Variants in RAB27B observed in about 807,000 individuals in gnomAD.
RAB27B encodes the protein RAB27B, member RAS oncogene family.
In RAB27B, 15 loss-of-function variants were observed where a neutral mutation model predicts 24.6. The observed-to-expected ratio is 0.61, with a 90% CI of 0.41 to 0.94. The LOEUF is 0.94. Among genes scored for constraint, RAB27B ranks in the 40% least tolerant of loss-of-function variants. The pLI, the probability that RAB27B is intolerant of heterozygous loss-of-function variation, is 0.00. For missense variants in RAB27B, 261 were observed against 266.8 expected (o/e 0.98, Z 0.15); for synonymous variants, 105 against 92.5 (o/e 1.14, Z -0.78).
intron 2 of RAB27B, among the ~76,000 whole-genome samples, chr18:54,802,870 C>T (rs1178745801): frequency 6.6e-6 from 1 of 152,158 alleles, no homozygotes; most frequent in Non-Finnish European, 1.5e-5. Flanking sequence ...ACATGTGCTG[C>T]TTTGGAAAGG....
Position 54,893,606 on chromosome 18 carries a change from A to T in RAB27B, c.*4193A>T, listed in dbSNP as rs1468806324. On this transcript the variant is annotated 3_prime_UTR_variant, in exon 6 of 6. Transcript: ENST00000262094. ...GTTGAGCTCTTATACATGAAAATGG[A>T]TATAGGCTATTCTCTGGGATGAGTG... 6.6e-6 allele frequency: 1 copy of T among 152,038 alleles called. No individual in the cohort carries two copies. The highest frequency in any genetic ancestry group is 2.4e-5 in the African/African-American group (1 of 41,426). The allele number at this position is 152,038 out of a possible 1,614,324, so 9.4% of individuals were successfully genotyped here. A position where few individuals can be genotyped will look rare whatever the true frequency, so the allele number is the denominator to read the frequency against.
chr18:54,830,438 C>A (rs953799762), intron 1 of RAB27B, among the ~76,000 whole-genome samples: 1 of 152,164 alleles, frequency 6.6e-6, no homozygotes, highest in African/African-American at 2.4e-5. Context: ...ATCTCACAAT[C>A]CAGTTTCTTC....
At chr18:54,723,808 A>G (rs776594998) in intron 2 of RAB27B, among the ~76,000 whole-genome samples, 1 of 152,208 alleles carries the variant, frequency 6.6e-6, no homozygotes, top group Non-Finnish European at 1.5e-5. Context: ...AAAACACCAA[A>G]TTATTTACAA....
chr18:54,889,600 G>T lies in RAB27B; in HGVS notation c.*187G>T. On this transcript the variant is annotated 3_prime_UTR_variant, in exon 6 of 6. Transcript: ENST00000262094. Reference sequence around the variant, plus strand: ...AAAAGAATTGACTAGTTATCCCTGAGGCCCTTTCAAACATGATCAAAGATT... The same window carrying T: ...AAAAGAATTGACTAGTTATCCCTGATGCCCTTTCAAACATGATCAAAGATT... 1 of 516,076 alleles carries T rather than the reference G, an allele frequency of 1.9e-6. No individual in the cohort carries two copies. Among genetic ancestry groups the T allele is most frequent in the South Asian group, 3.7e-5 (1 of 27,252 alleles). 32.0% of individuals were successfully genotyped at this position (516,076 alleles called of 1,614,324 possible).
chr18:54,842,797 C>T (rs1911168415), intron 1 of RAB27B, among the ~76,000 whole-genome samples: 1 of 152,088 alleles, frequency 6.6e-6, no homozygotes, highest in Non-Finnish European at 1.5e-5. Context: ...TGAATTTATG[C>T]AATATTATTA....
intron 2 of RAB27B, among the ~76,000 whole-genome samples, chr18:54,796,339 T>C (rs1226510194): frequency 6.6e-6 from 1 of 152,244 alleles, no homozygotes; most frequent in Non-Finnish European, 1.5e-5. Flanking sequence ...ATCAGCTCGA[T>C]AGACCCTCTG....
At position 54,775,661 on chromosome 18, in the gene RAB27B, C is replaced by T. The variant is rs1025811241; in HGVS notation, c.-20+57520C>T. 7.8e-4 allele frequency among the ~76,000 whole-genome samples: 119 copies of T among 152,190 alleles called. 8 individuals carry two copies. Among genetic ancestry groups the T allele is most frequent in the Non-Finnish European group, 4.4e-5 (3 of 68,032 alleles). The stretch of plus-strand genomic sequence containing the variant: ...ACTTTGTCTATCTCTTCATCAACTT[C>T]TATATCCCTCTCCCATGAAACTACT... On this transcript the variant is annotated intron_variant, in intron 2 of 4. Coordinates refer to the RAB27B transcript ENST00000586570.
At chr18:54,766,490 TTTTTTTG>T (rs1371934225) in intron 2 of RAB27B, among the ~76,000 whole-genome samples, 5 of 152,022 alleles carry the variant, frequency 3.3e-5, no homozygotes, top group African/African-American at 9.7e-5. Context: ...TTTTTTTAAG[TTTTTTTG>T]TTTTTTGTTT....
chr18:54,731,002 A>G (rs1909713572), intron 2 of RAB27B, among the ~76,000 whole-genome samples: 1 of 152,152 alleles, frequency 6.6e-6, no homozygotes, highest in Non-Finnish European at 1.5e-5. Context: ...AGTCATATGT[A>G]TTTTTTCATT....
chr18:54,856,305 A>G (rs1911783923), intron 1 of RAB27B, among the ~76,000 whole-genome samples: 1 of 152,220 alleles, frequency 6.6e-6, no homozygotes, highest in Non-Finnish European at 1.5e-5. Context: ...GGGCAGGGTG[A>G]AACTTGGTTC....
At position 54,804,226 on chromosome 18, in the gene RAB27B, T is replaced by C. The variant is rs576115309; in HGVS notation, c.-19-73341T>C. Reference sequence around the variant, plus strand: ...AAGGAAACATCCAAACTGAAGGACATTCAACCAAATAACTGGTGGTATGGT... The same window carrying C: ...AAGGAAACATCCAAACTGAAGGACACTCAACCAAATAACTGGTGGTATGGT... On this transcript the variant is annotated intron_variant, in intron 2 of 4. Coordinates refer to the RAB27B transcript ENST00000586570. Among the ~76,000 whole-genome samples the C allele has an allele frequency of 3.3e-5, 5 of 152,334 alleles. No homozygotes were observed. In the South Asian group the frequency reaches 1.0e-3, roughly 32 times the overall value.
At chr18:54,839,746 G>T (rs1417519102) in intron 1 of RAB27B, among the ~76,000 whole-genome samples, 4 of 152,088 alleles carry the variant, frequency 2.6e-5, no homozygotes, top group Admixed American at 6.6e-5. Flanking sequence ...GTATCTGTTT[G>T]CTTTTTTAGC....
intron 2 of RAB27B, among the ~76,000 whole-genome samples, chr18:54,808,771 TAA>T (rs2145145219): frequency 6.6e-6 from 1 of 152,326 alleles, no homozygotes; most frequent in South Asian, 2.1e-4. Context: ...TACATACAGT[TAA>T]AGACTCCCCA....
chr18:54,766,105 T>C (rs1908353595), intron 2 of RAB27B, among the ~76,000 whole-genome samples: 1 of 152,190 alleles, frequency 6.6e-6, no homozygotes, highest in Admixed American at 6.6e-5. Flanking sequence ...GCCTGAGAAT[T>C]CCTGGAGTTC....
chr18:54,887,936 G>T, intron 4 of RAB27B, 59 bp from the exon 5 acceptor site: 1 of 1,569,186 alleles, frequency 6.4e-7, no homozygotes, highest in Non-Finnish European at 8.7e-7. Flanking sequence ...AATAAGAGCA[G>T]TCATTTGACA....
rs564488632 is a variant in RAB27B, at chr18:54,820,752, C to T, written c.-19-56815C>T. Among the ~76,000 whole-genome samples the T allele has an allele frequency of 3.3e-5, 5 of 152,242 alleles. No homozygotes were observed. In the South Asian group the frequency reaches 1.0e-3, roughly 32 times the overall value. On this transcript the variant is annotated intron_variant, in intron 2 of 4. Transcript: ENST00000586570. ...TTCTAAAGTTTTTATGGTTTCAATT[C>T]TAACATTTAATTCTTTAATCCACCT... is the stretch of plus-strand genomic sequence containing the variant.
At chr18:54,821,964 G>T (rs998241814) in intron 2 of RAB27B, among the ~76,000 whole-genome samples, 1 of 152,212 alleles carries the variant, frequency 6.6e-6, no homozygotes, top group African/African-American at 2.4e-5. Context: ...TGTCGGCCAG[G>T]CTGGTCTGAA....
intron 2 of RAB27B, among the ~76,000 whole-genome samples, chr18:54,758,758 T>C (rs1373591863): frequency 2.0e-5 from 3 of 152,166 alleles, no homozygotes; most frequent in African/African-American, 7.2e-5. Context: ...ATGAAGGCAT[T>C]CGATGGTGAT....
intron 1 of RAB27B, among the ~76,000 whole-genome samples, chr18:54,868,054 T>C (rs1242626039): frequency 6.6e-6 from 1 of 152,150 alleles, no homozygotes; most frequent in Non-Finnish European, 1.5e-5. Flanking sequence ...GGTCACAGGG[T>C]TGGTTCCCTC....
Sources: gnomAD v4.1 joint callset for allele counts (sites outside exome capture counted in the v4.1 genomes callset) on GRCh38, gnomAD v4.1.1 for gene constraint, MANE v1.5 for transcripts, NCBI Gene and HGNC (gene_info 2026-07-23, HGNC 2026-07-21) for gene names.